The following MCTP2 variants were observed in gnomAD, a reference collection of about 807,000 sequenced individuals.
MCTP2 encodes the protein multiple C2 and transmembrane domain-containing protein 2.
A neutral mutation model predicts 111.6 loss-of-function variants in MCTP2; 132 were observed. The observed-to-expected ratio is 1.18, with a 90% CI of 1.03 to 1.37. The LOEUF is 1.37. Among genes scored for constraint, MCTP2 ranks in the 40% most tolerant of loss-of-function variants. The probability of loss-of-function intolerance (pLI) is 0.00; values close to 1 mark genes in which losing one functional copy is unlikely to be tolerated. For synonymous variants in MCTP2, 395 were observed against 387.7 expected (o/e 1.02, Z -0.22); for missense variants, 1,183 against 1,067.9 (o/e 1.11, Z -1.50).
intron 12 of MCTP2, among the ~76,000 whole-genome samples, chr15:94,381,624 C>T (rs779229531): frequency 1.9e-4 from 29 of 152,152 alleles, no homozygotes; most frequent in Non-Finnish European, 3.1e-4. Flanking sequence ...CTGCTGATGG[C>T]GTGTCATGCT....
chr15:94,364,872 A>C (rs2079108414), intron 10 of MCTP2, among the ~76,000 whole-genome samples: 2 of 152,084 alleles, frequency 1.3e-5, no homozygotes, highest in Admixed American at 6.5e-5. Flanking sequence ...TGTGAGCTGG[A>C]GTTGAAATAG....
chr15:94,428,841 A>G (rs2083017143), intron 17 of MCTP2, among the ~76,000 whole-genome samples: 1 of 152,152 alleles, frequency 6.6e-6, no homozygotes, highest in Non-Finnish European at 1.5e-5. Flanking sequence ...CCAATAACTC[A>G]GATCACATAG....
chr15:94,289,327 G>A (rs1045673674), intron 1 of MCTP2, among the ~76,000 whole-genome samples: 4 of 152,200 alleles, frequency 2.6e-5, no homozygotes, highest in South Asian at 2.1e-4. Flanking sequence ...TGGCACATCC[G>A]TTTTTCAAGT....
chr15:94,262,891 G>A (rs1555442938), intron 1 of MCTP2, among the ~76,000 whole-genome samples: 1 of 152,088 alleles, frequency 6.6e-6, no homozygotes, highest in Non-Finnish European at 1.5e-5. Context: ...GGCTGGTCTC[G>A]AACTCCTGGC....
chr15:94,333,186 C>T (rs900753737), intron 4 of MCTP2, among the ~76,000 whole-genome samples: 4 of 152,038 alleles, frequency 2.6e-5, no homozygotes, highest in East Asian at 1.9e-4. Flanking sequence ...TGCAGTGAGC[C>T]GATATCATGC....
In MCTP2 at chr15:94,429,412, C is replaced by T. The variant is rs190884089; in HGVS notation, c.2086-10764C>T. Among the ~76,000 whole-genome samples the T allele has an allele frequency of 3.3e-5, 5 of 152,254 alleles. No individual in the cohort carries two copies. The East Asian group carries it at 9.6e-4, about 29-fold the overall frequency. On this transcript the variant is annotated intron_variant, in intron 17 of 22. Coordinates refer to ENST00000357742, the MANE Select transcript of MCTP2 (RefSeq NM_001385001.1). ...TTATGTCTCCTGTCTACAATTTTCC[C>T]CGTTCTCTCAAACTCACTCTTATCT...
intron 1 of MCTP2, among the ~76,000 whole-genome samples, chr15:94,276,500 A>G (rs895155488): frequency 2.0e-5 from 3 of 152,008 alleles, no homozygotes; most frequent in Non-Finnish European, 4.4e-5. Flanking sequence ...CTCTTACACT[A>G]AGTCTTTCTT....
chr15:94,399,091 CT>C (rs1567624516), intron 15 of MCTP2, 29 bp downstream of exon 15: 3 of 1,129,962 alleles, frequency 2.7e-6, no homozygotes, highest in Non-Finnish European at 4.0e-6. Flanking sequence ...TACTTCCCGG[CT>C]TTCCCGTACC....
intron 18 of MCTP2, 88 bp downstream of exon 18, chr15:94,440,386 C>T: frequency 1.9e-6 from 3 of 1,553,386 alleles, no homozygotes; most frequent in Non-Finnish European, 2.6e-6. Flanking sequence ...TGGCCCAAGT[C>T]CATTTCGTTT....
intron 1 of MCTP2, among the ~76,000 whole-genome samples, chr15:94,263,017 G>C (rs1215369665): frequency 6.6e-6 from 1 of 152,142 alleles, no homozygotes; most frequent in Non-Finnish European, 1.5e-5. Flanking sequence ...GTCATTAAAG[G>C]TGATTTCATC....
intron 13 of MCTP2, 32 bp downstream of exon 13, chr15:94,384,156 C>A: frequency 6.7e-7 from 1 of 1,492,096 alleles, no homozygotes; most frequent in Non-Finnish European, 9.3e-7. Flanking sequence ...ATTATTTCTG[C>A]TGTGCTTGGA....
intron 2 of MCTP2, among the ~76,000 whole-genome samples, chr15:94,299,270 G>A (rs2075481188): frequency 6.6e-6 from 1 of 151,646 alleles, no homozygotes; most frequent in African/African-American, 2.4e-5. Context: ...TCTTTTATCT[G>A]TCTCCTGGCA....
intron 20 of MCTP2, among the ~76,000 whole-genome samples, chr15:94,469,044 G>C (rs551720180): frequency 6.6e-6 from 1 of 152,220 alleles, no homozygotes; most frequent in East Asian, 1.9e-4. Flanking sequence ...CTATAAAATG[G>C]GGCAGAATTA....
At chr15:94,298,805 C>CCTCTCTCT in intron 2 of MCTP2, 75 bp downstream of exon 2, 1 of 891,554 alleles carries the variant, frequency 1.1e-6, no homozygotes, top group Non-Finnish European at 1.6e-6. Context: ...TCCCTCTCTC[C>CCTCTCTCT]CCATCTCCCT....
Position 94,483,104 on chromosome 15 carries a change from G to T in MCTP2, c.*4070G>T, listed in dbSNP as rs1226376670. 1.3e-5 allele frequency: 2 copies of T among 152,188 alleles called. No individual in the cohort carries two copies. The highest frequency in any genetic ancestry group is 3.8e-4 in the East Asian group (2 of 5,204). 9.4% of individuals were successfully genotyped at this position (152,188 alleles called of 1,614,324 possible). A position where few individuals can be genotyped will look rare whatever the true frequency, so the allele number is the denominator to read the frequency against. On this transcript the variant is annotated 3_prime_UTR_variant, in exon 23 of 23. Coordinates refer to ENST00000357742, the MANE Select transcript of MCTP2 (RefSeq NM_001385001.1). ...GAGAGGGCTGGAATTTGGAATGAAA[G>T]GAGATATTTGGGATTATTTTAGTAA...
At chr15:94,348,549 C>T (rs1449600106) in intron 8 of MCTP2, among the ~76,000 whole-genome samples, 1 of 138,432 alleles carries the variant, frequency 7.2e-6, no homozygotes, top group South Asian at 2.5e-4. Context: ...AACCAGGAGA[C>T]GTTTTTTGAT....
At chr15:94,295,072 C>T (rs538512538) in intron 1 of MCTP2, among the ~76,000 whole-genome samples, 1 of 149,544 alleles carries the variant, frequency 6.7e-6, no homozygotes, top group Non-Finnish European at 1.5e-5. Context: ...GCCTCAGCCT[C>T]TCAGTTCCTG....
At chr15:94,392,147 G>A (rs1469022199) in intron 14 of MCTP2, among the ~76,000 whole-genome samples, 19 of 152,020 alleles carry the variant, frequency 1.2e-4, no homozygotes, top group Admixed American at 9.8e-4. Context: ...TGAGGTGGGC[G>A]GATCACGAGG....
intron 8 of MCTP2, among the ~76,000 whole-genome samples, chr15:94,346,448 G>A (rs1282672959): frequency 6.6e-6 from 1 of 152,034 alleles, no homozygotes; most frequent in African/African-American, 2.4e-5. Context: ...GTCACTAGAG[G>A]GTAGAAGAAC....
Sources: allele counts gnomAD v4.1 joint callset (sites outside exome capture counted in the v4.1 genomes callset), GRCh38; gene constraint gnomAD v4.1.1; transcripts MANE v1.5; gene names NCBI Gene and HGNC (gene_info 2026-07-23, HGNC 2026-07-21).